Variants in TMEM156 observed in about 807,000 individuals in gnomAD.
The protein encoded by TMEM156 is transmembrane protein 156.
TMEM156 carries 28 observed loss-of-function variants against 30.5 expected under a neutral mutation model. The ratio of observed to expected loss-of-function variants is 0.92; its 90% CI spans 0.68 to 1.26. The LOEUF (loss-of-function observed/expected upper bound fraction) is 1.26, where lower values mean the gene tolerates loss of function less well. Among genes scored for constraint, TMEM156 ranks in the 50% most tolerant of loss-of-function variants. The pLI, the probability that TMEM156 is intolerant of heterozygous loss-of-function variation, is 0.00. For missense variants in TMEM156, 351 were observed against 340.6 expected, an observed-to-expected ratio of 1.03 and a Z score of -0.24; for synonymous variants, 137 against 119.9, an observed-to-expected ratio of 1.14 and a Z score of -0.93.
chr4:38,975,501 G>A (rs1009577103), intron 5 of TMEM156, among the ~76,000 whole-genome samples: 6 of 150,100 alleles, frequency 4.0e-5, no homozygotes, highest in African/African-American at 9.8e-5. Context: ...TCATACCTCA[G>A]ACTCCCGAGT....
chr4:39,019,045 A>C (rs1270771317), intron 1 of TMEM156, among the ~76,000 whole-genome samples: 1 of 150,470 alleles, frequency 6.6e-6, no homozygotes, highest in Non-Finnish European at 1.5e-5. Context: ...AAAAAAAAAA[A>C]AAAACCTCTT....
chr4:39,005,075 C>CG (rs1344741185), intron 1 of TMEM156, among the ~76,000 whole-genome samples: 2 of 152,156 alleles, frequency 1.3e-5, no homozygotes, highest in Non-Finnish European at 2.9e-5. Context: ...CTACAAGCAA[C>CG]AGCGTGGATG....
At chr4:38,997,829 C>T (rs1047704607) in intron 2 of TMEM156, among the ~76,000 whole-genome samples, 4 of 152,214 alleles carry the variant, frequency 2.6e-5, no homozygotes, top group Non-Finnish European at 4.4e-5. Flanking sequence ...TTATGTCAGA[C>T]ATTGTGCACA....
chr4:38,977,820 T>C (rs1722942982), intron 5 of TMEM156, among the ~76,000 whole-genome samples: 1 of 152,248 alleles, frequency 6.6e-6, no homozygotes, highest in African/African-American at 2.4e-5. Flanking sequence ...TTTTCAGGAG[T>C]AGAAACTGAT....
intron 1 of TMEM156, among the ~76,000 whole-genome samples, chr4:39,009,204 C>T (rs1478283386): frequency 6.6e-6 from 1 of 151,830 alleles, no homozygotes; most frequent in Non-Finnish European, 1.5e-5. Flanking sequence ...CAGGAAGGAA[C>T]AGAAATTTCA....
At chr4:38,989,647 C>G (rs151097198) in intron 3 of TMEM156, among the ~76,000 whole-genome samples, 3 of 152,262 alleles carry the variant, frequency 2.0e-5, no homozygotes, top group Non-Finnish European at 4.4e-5. Context: ...CACCATGCAG[C>G]AGTAGCTTAG....
At chr4:38,985,512 C>T (rs1711915834) in intron 5 of TMEM156, among the ~76,000 whole-genome samples, 1 of 152,186 alleles carries the variant, frequency 6.6e-6, no homozygotes, top group Non-Finnish European at 1.5e-5. Flanking sequence ...GCTACTGATG[C>T]AGCTGTAGGG....
chr4:39,002,983 T>C (rs1254003719), intron 1 of TMEM156, among the ~76,000 whole-genome samples: 2 of 151,958 alleles, frequency 1.3e-5, no homozygotes, highest in Non-Finnish European at 1.5e-5. Context: ...TGTATACATA[T>C]GTAACTAACC....
chr4:38,990,786 A>C (rs1712365013), intron 3 of TMEM156, among the ~76,000 whole-genome samples: 2 of 150,574 alleles, frequency 1.3e-5, no homozygotes, highest in Admixed American at 6.6e-5. Context: ...CCAAAGTACA[A>C]AGTTGGTTGT....
intron 1 of TMEM156, 125 bp from the exon 2 acceptor site, chr4:38,999,034 C>T (rs1713139933): frequency 9.1e-6 from 5 of 550,794 alleles, no homozygotes; most frequent in Non-Finnish European, 1.4e-5. Context: ...TTATCAGAGA[C>T]AAGACTGTTT....
chr4:38,990,472 C>G (rs1340207039), intron 3 of TMEM156, among the ~76,000 whole-genome samples: 1 of 152,152 alleles, frequency 6.6e-6, no homozygotes, highest in East Asian at 1.9e-4. Context: ...GTCCAAAGAC[C>G]AAGGTGTCAT....
intron 1 of TMEM156, among the ~76,000 whole-genome samples, chr4:38,999,120 T>TTA (rs1713153697): frequency 7.4e-6 from 1 of 134,778 alleles, no homozygotes; most frequent in Non-Finnish European, 1.6e-5. Context: ...ATTTTTTTTT[T>TTA]TTTTTTTTTT....
intron 5 of TMEM156, among the ~76,000 whole-genome samples, chr4:38,974,376 C>T (rs1453563842): frequency 2.6e-5 from 4 of 151,564 alleles, no homozygotes; most frequent in Admixed American, 2.6e-4. Flanking sequence ...AGGCTGATTT[C>T]ATTTTAGACT....
At chr4:38,970,591 C>T (rs537932873) in intron 6 of TMEM156, among the ~76,000 whole-genome samples, 1 of 152,122 alleles carries the variant, frequency 6.6e-6, no homozygotes, top group African/African-American at 2.4e-5. Context: ...CACTTTTGAC[C>T]ATACTTTTAG....
chr4:39,027,551 CTTTTTTTTTTTTT>C (rs71192813), intron 1 of TMEM156, among the ~76,000 whole-genome samples: 1 of 79,020 alleles, frequency 1.3e-5, no homozygotes, highest in Non-Finnish European at 2.3e-5. Context: ...TATACTATTC[CTTTTTTTTTTTTT>C]TTTTTTTTTG....
chr4:38,991,744 T>TAAATATTTTAG (rs1712480305), intron 3 of TMEM156, among the ~76,000 whole-genome samples: 1 of 152,162 alleles, frequency 6.6e-6, no homozygotes, highest in South Asian at 2.1e-4. Context: ...AGAAAAAATA[T>TAAATATTTTAG]AAAATACAGT....
At chr4:39,031,461 G>A (rs765613551) in intron 1 of TMEM156, among the ~76,000 whole-genome samples, 12 of 152,052 alleles carry the variant, frequency 7.9e-5, no homozygotes, top group Non-Finnish European at 1.3e-4. Context: ...ATATATAAAC[G>A]CTTTTTCTTG....
chr4:39,018,257 T>C (rs2566103), intron 1 of TMEM156, among the ~76,000 whole-genome samples: 27,312 of 152,176 alleles, frequency 0.18, 3,007 homozygotes, highest in African/African-American at 0.31. Flanking sequence ...GGTCTTAGGA[T>C]ACTTTAACTC....
rs558727417 is a variant in TMEM156, at chr4:38,994,279, T to G, written c.359-281A>C. 3.9e-5 allele frequency among the ~76,000 whole-genome samples: 6 copies of G among 152,142 alleles called. 1 individual carries two copies. In the South Asian group the frequency reaches 1.2e-3, roughly 32 times the overall value. On this transcript the variant is annotated intron_variant, in intron 2 of 6. Transcript: ENST00000381938. ...AGCTGGGACTACAGGTGTATGCCAC[T>G]ATGCTCAGCTAATTTTTTTAATTTT...
Sources: gnomAD v4.1 joint callset for allele counts (sites outside exome capture counted in the v4.1 genomes callset) on GRCh38, gnomAD v4.1.1 for gene constraint, MANE v1.5 for transcripts, NCBI Gene and HGNC (gene_info 2026-07-23, HGNC 2026-07-21) for gene names.